The following SP2 variants were observed in gnomAD, a reference collection of about 807,000 sequenced individuals.
SP2 encodes the protein transcription factor Sp2.
A neutral mutation model predicts 50.1 loss-of-function variants in SP2; 9 were observed. That is an observed-to-expected ratio of 0.18 (90% CI 0.11 to 0.31). The LOEUF (loss-of-function observed/expected upper bound fraction) is 0.31, where lower values mean the gene tolerates loss of function less well. SP2 is among the 10% of genes least tolerant of loss of function. The pLI is 1.00. For synonymous variants in SP2, 313 were observed against 326.6 expected, an observed-to-expected ratio of 0.96 and a Z score of 0.45; for missense variants, 581 against 806.5, an observed-to-expected ratio of 0.72 and a Z score of 3.39.
downstream of SP2, among the ~76,000 whole-genome samples, chr17:47,929,129 T>C (rs1029082684): frequency 1.3e-5 from 2 of 152,190 alleles, no homozygotes; most frequent in African/African-American, 2.4e-5. Flanking sequence ...CGGCCACATA[T>C]ACCTCATGAC....
Position 47,916,685 on chromosome 17 carries a change from G to C in SP2, c.614G>C (p.Gly205Ala). 1 of 1,613,654 alleles carries C rather than the reference G, an allele frequency of 6.2e-7. No individual in the cohort carries two copies. The highest frequency in any genetic ancestry group is 1.3e-5 in the African/African-American group (1 of 75,026). Reference protein sequence around the residue: ...QSGANVVKLTGGGGNVTLTLP... With the variant: ...QSGANVVKLTAGGGNVTLTLP... ...GGGGCCAATGTGGTGAAGCTGACAG[G>C]TGGGGGCGGCAATGTGACGCTCACT... is the stretch of plus-strand genomic sequence containing the variant. Residue 205 changes from glycine to alanine, a missense_variant, in exon 3 of 7, where the codon GGT (glycine) becomes GCT (alanine). Physicochemically the swap from Gly to Ala is moderately conservative, Grantham distance 60. Transcript: ENST00000376741. The surrounding 1 kb of genome is among the most constrained non-coding windows in gnomAD (Gnocchi z 4.7).
intron 1 of SP2, among the ~76,000 whole-genome samples, chr17:47,905,041 G>A (rs538728477): frequency 1.3e-5 from 2 of 152,144 alleles, no homozygotes; most frequent in Admixed American, 6.5e-5. Context: ...CAAAGTGCTG[G>A]TATTACAGGC....
At chr17:47,909,374 C>G (rs1257809169) in intron 1 of SP2, among the ~76,000 whole-genome samples, 1 of 152,168 alleles carries the variant, frequency 6.6e-6, no homozygotes, top group African/African-American at 2.4e-5. Context: ...TAGGCTCTTT[C>G]TGCCCTATAT....
intron 1 of SP2, among the ~76,000 whole-genome samples, chr17:47,903,285 GGA>G (rs2143797130): frequency 1.3e-5 from 2 of 152,326 alleles, no homozygotes; most frequent in East Asian, 3.9e-4. Flanking sequence ...GAATTTGAGA[GGA>G]GAGGAAGAAC....
chr17:47,915,454 T>C lies in SP2; in HGVS notation c.84+66T>C, dbSNP rs369952452. On this transcript the variant is annotated intron_variant, in intron 2 of 6. Coordinates refer to ENST00000376741, the MANE Select transcript of SP2 (RefSeq NM_003110.6). ...TCCTGGACAGACTCACCGAAAACAC[T>C]CTCTCTTCACTGTCTCACTATAAAT... 164 of 1,024,422 alleles carry C rather than the reference T, an allele frequency of 1.6e-4. 1 individual carries two copies. In the African/African-American group the frequency reaches 2.4e-3, roughly 15 times the overall value. The allele number at this position is 1,024,422 out of a possible 1,614,324, so 63.5% of individuals were successfully genotyped here. A position where few individuals can be genotyped will look rare whatever the true frequency, so the allele number is the denominator to read the frequency against.
At position 47,928,045 on chromosome 17, in the gene SP2, G is replaced by A; in HGVS notation, c.*221G>A. 1 of 533,182 alleles carries A rather than the reference G, an allele frequency of 1.9e-6. No homozygotes were observed. Among genetic ancestry groups the A allele is most frequent in the Non-Finnish European group, 3.4e-6 (1 of 295,470 alleles). 33.0% of individuals were successfully genotyped at this position (533,182 alleles called of 1,614,324 possible). On this transcript the variant is annotated 3_prime_UTR_variant, in exon 7 of 7. Transcript: ENST00000376741. ...TCCCCTCACCACGAGCTCCCGGCCT[G>A]CCCAGACTGTGGACACTGGCCGTGC...
intron 1 of SP2, chr17:47,898,324 A>G (rs1231550369): frequency 1.3e-5 from 2 of 152,262 alleles, no homozygotes; most frequent in Non-Finnish European, 2.9e-5. Context: ...TGGTTGGTTC[A>G]TTTGGATATT....
chr17:47,923,288 C>T lies in SP2; in HGVS notation c.1372+14C>T. On this transcript the variant is annotated intron_variant, in intron 4 of 6. Coordinates refer to ENST00000376741, the MANE Select transcript of SP2 (RefSeq NM_003110.6). ...CCAACACAGGCGGTGAGGATGGCCC[C>T]TGTGGCCAGGGTGTTGGCAGTGGTA... 1.3e-6 allele frequency: 2 copies of T among 1,591,074 alleles called. No individual in the cohort carries two copies. The highest frequency in any genetic ancestry group is 1.7e-6 in the Non-Finnish European group (2 of 1,173,044).
At chr17:47,922,736 T>C (rs1183788698) in intron 3 of SP2, among the ~76,000 whole-genome samples, 6 of 152,238 alleles carry the variant, frequency 3.9e-5, no homozygotes, top group African/African-American at 7.2e-5. Context: ...CCATGCTAAG[T>C]AAATTCAACG....
chr17:47,925,149 C>A, intron 5 of SP2, 56 bp downstream of exon 5: 1 of 1,539,368 alleles, frequency 6.5e-7, no homozygotes, highest in Non-Finnish European at 8.8e-7. Context: ...CCAAGCCCCT[C>A]CTGGACAGTT....
chr17:47,916,407 C>G lies in SP2; in HGVS notation c.336C>G (p.Phe112Leu), dbSNP rs376159721. ...CCTATCCTGGAGGGCAGCTGGTGTT[C>G]GCTATCCAGAATCCCACCATGATCA... ...SASYPGGQLV[F>L]AIQNPTMINK... The change falls in exon 3 of 7, where the codon TTC becomes TTG. Residue 112 changes from phenylalanine (F) to leucine (L), a missense_variant. By Grantham distance (22) the Phe-to-Leu change is conservative. This residue lies in a region of SP2 where 397 missense variants were observed against 491.0 expected (regional missense o/e 0.81). Coordinates refer to ENST00000376741, the MANE Select transcript of SP2 (RefSeq NM_003110.6). The surrounding 1 kb of genome is among the most constrained non-coding windows in gnomAD (Gnocchi z 4.7). 2.5e-5 allele frequency: 41 copies of G among 1,613,980 alleles called. No individual in the cohort carries two copies. The African/African-American group carries it at 5.5e-4, about 22-fold the overall frequency.
chr17:47,913,288 G>T (rs1244301369), intron 1 of SP2, among the ~76,000 whole-genome samples: 1 of 151,944 alleles, frequency 6.6e-6, no homozygotes, highest in African/African-American at 2.4e-5. Context: ...CTATTCACAG[G>T]TGTGATAATA....
At chr17:47,911,898 C>G (rs1375963297) in intron 1 of SP2, among the ~76,000 whole-genome samples, 2 of 152,104 alleles carry the variant, frequency 1.3e-5, no homozygotes, top group African/African-American at 4.8e-5. Flanking sequence ...TGAGACCCAC[C>G]CCAGTTCGAG....
chr17:47,923,618 C>T (rs918324475), intron 4 of SP2, among the ~76,000 whole-genome samples: 4 of 152,242 alleles, frequency 2.6e-5, no homozygotes, highest in African/African-American at 7.2e-5. Context: ...GTTTGTGCTG[C>T]ACTTCAGTTC....
intron 1 of SP2, among the ~76,000 whole-genome samples, chr17:47,902,235 C>T (rs1481858673): frequency 6.6e-6 from 1 of 152,134 alleles, no homozygotes; most frequent in African/African-American, 2.4e-5. Context: ...TGTTCAGGAA[C>T]AGCAGGGAGC....
intron 1 of SP2, among the ~76,000 whole-genome samples, chr17:47,906,954 G>C (rs941971300): frequency 6.6e-6 from 1 of 152,138 alleles, no homozygotes; most frequent in African/African-American, 2.4e-5. Flanking sequence ...AGATGTTGGG[G>C]AACATCAGTA....
chr17:47,930,971 CT>C (rs370402197), downstream of SP2, among the ~76,000 whole-genome samples: 1,089 of 147,800 alleles, frequency 7.4e-3, 7 homozygotes, highest in South Asian at 0.017. Context: ...ATTATATGTA[CT>C]TTTTTTTTTT....
At chr17:47,930,960 C>T (rs910980076), downstream of SP2, among the ~76,000 whole-genome samples, 3 of 152,058 alleles carry the variant, frequency 2.0e-5, no homozygotes, top group Non-Finnish European at 4.4e-5. Context: ...CAAATCCAGG[C>T]ATTATATGTA....
intron 1 of SP2, among the ~76,000 whole-genome samples, chr17:47,905,661 C>G (rs534619826): frequency 1.2e-4 from 19 of 152,282 alleles, no homozygotes; most frequent in African/African-American, 4.6e-4. Flanking sequence ...CTGTTACGTG[C>G]TCTCCCCAAG....
Sources: gnomAD v4.1 joint callset for allele counts (sites outside exome capture counted in the v4.1 genomes callset) on GRCh38, gnomAD v4.1.1 for gene constraint, gnomAD v4.1.1 regional missense constraint, Gnocchi (gnomAD v3.1) non-coding constraint, MANE v1.5 for transcripts, NCBI Gene and HGNC (gene_info 2026-07-23, HGNC 2026-07-21) for gene names.